Variants in TMEM116 observed in about 807,000 individuals in gnomAD.
TMEM116 encodes transmembrane protein 116.
Under a neutral mutation model 44.3 loss-of-function variants are expected in TMEM116, and 38 were observed. That is an observed-to-expected ratio of 0.86 (90% confidence interval 0.66 to 1.12). TMEM116 has a LOEUF of 1.12. Among genes scored for constraint, TMEM116 ranks in the 50% most tolerant of loss-of-function variants. The probability of loss-of-function intolerance (pLI) is 0.00; values close to 1 mark genes in which losing one functional copy is unlikely to be tolerated. For synonymous variants in TMEM116, 132 were observed against 144.8 expected (o/e 0.91, Z 0.64); for missense variants, 354 against 401.7 (o/e 0.88, Z 1.01).
intron 4 of TMEM116, among the ~76,000 whole-genome samples, chr12:111,971,964 A>C (rs984809025): frequency 6.6e-6 from 1 of 151,254 alleles, no homozygotes; most frequent in African/African-American, 2.4e-5. Flanking sequence ...AGTCCTACCA[A>C]CTTAAGGAAG....
intron 4 of TMEM116, among the ~76,000 whole-genome samples, chr12:111,988,024 T>C (rs556292265): frequency 9.2e-5 from 14 of 152,294 alleles, no homozygotes; most frequent in Non-Finnish European, 2.1e-4. Context: ...TGACACATGC[T>C]ACAACAAGAT....
intron 1 of TMEM116, among the ~76,000 whole-genome samples, chr12:112,009,483 T>G (rs2077737414): frequency 6.6e-6 from 1 of 151,452 alleles, no homozygotes; most frequent in Admixed American, 6.6e-5. Context: ...CCAAAAGATG[T>G]GTTTGCAAAC....
intron 4 of TMEM116, among the ~76,000 whole-genome samples, chr12:111,966,818 T>A (rs1043282521): frequency 2.0e-5 from 3 of 152,222 alleles, no homozygotes; most frequent in Admixed American, 6.5e-5. Flanking sequence ...GTTTCCTACA[T>A]CTAGTCAAAA....
At chr12:112,005,163 TA>T (rs2136731149) in intron 2 of TMEM116, 93 bp downstream of exon 2, 2 of 823,040 alleles carry the variant, frequency 2.4e-6, no homozygotes, top group Non-Finnish European at 3.5e-6. Context: ...AACTAAAGAG[TA>T]AAAGCAAATC....
chr12:112,013,158 A>G lies in TMEM116; in HGVS notation c.-190T>C. The G allele has an allele frequency of 2.8e-6, 1 of 350,998 alleles. No individual in the cohort carries two copies. Among genetic ancestry groups the G allele is most frequent in the Non-Finnish European group, 5.2e-6 (1 of 191,824 alleles). The allele number at this position is 350,998 out of a possible 1,614,324, so 21.7% of individuals were successfully genotyped here. On this transcript the variant is annotated 5_prime_UTR_variant, in exon 1 of 11. Transcript: ENST00000552374. ...GCGCTTCTCCTCAAGCGGAGCAGGA[A>G]CGGAACTGGGCGGACCCGCCGGAAG...
In TMEM116 at chr12:111,978,705, G is replaced by C; in HGVS notation, c.210+13053C>G. 1.5e-5 allele frequency: 6 copies of C among 399,064 alleles called. No homozygotes were observed. The Middle Eastern group carries it at 2.3e-3, about 152-fold the overall frequency. 24.7% of individuals were successfully genotyped at this position (399,064 alleles called of 1,614,324 possible). A position where few individuals can be genotyped will look rare whatever the true frequency, so the allele number is the denominator to read the frequency against. On this transcript the variant is annotated intron_variant, in intron 4 of 10. Transcript: ENST00000552374. ...TATGTTTGGATACAACAAGAAAATA[G>C]CCATCTGCAAACCAGGAAGTGGGCT...
chr12:111,999,733 A>G (rs1232080893), intron 3 of TMEM116, among the ~76,000 whole-genome samples: 1 of 152,210 alleles, frequency 6.6e-6, no homozygotes. Flanking sequence ...AAACAATCCC[A>G]CAAGATGATT....
chr12:111,932,801 C>A (rs1355627230), intron 9 of TMEM116, 142 bp from the exon 10 acceptor site: 2 of 676,492 alleles, frequency 3.0e-6, no homozygotes, highest in African/African-American at 3.6e-5. Context: ...GTTATGCAAA[C>A]CAATGAGTCT....
intron 5 of TMEM116, among the ~76,000 whole-genome samples, chr12:111,940,387 G>C (rs2072626944): frequency 1.4e-5 from 2 of 147,902 alleles, no homozygotes; most frequent in Non-Finnish European, 3.0e-5. Flanking sequence ...TTTTGAGACA[G>C]GGTTTCACTC....
intron 4 of TMEM116, among the ~76,000 whole-genome samples, chr12:111,976,482 C>G (rs1054131838): frequency 2.0e-5 from 3 of 151,994 alleles, no homozygotes; most frequent in Admixed American, 2.0e-4. Flanking sequence ...TTGTCTTAAA[C>G]AAAACAAAGC....
In TMEM116 at chr12:111,936,742, C is replaced by G; in HGVS notation, c.538G>C (p.Gly180Arg). ...AAGCTGCCCAGGAAAATGGCGATAC[C>G]ATAAAAATAAAGTGTGCTACAGACA... is the stretch of plus-strand genomic sequence containing the variant. ...TSVCSTLYFYGIAIFLGSFVL... is the reference protein window; with the variant it reads ...TSVCSTLYFYRIAIFLGSFVL... Residue 180 changes from glycine to arginine, a missense_variant, in exon 8 of 11, where the codon GGT becomes CGT. By Grantham distance (125) the Gly-to-Arg change is moderately radical. Transcript: ENST00000552374. 6 of 1,613,870 alleles carry G rather than the reference C, an allele frequency of 3.7e-6. No homozygotes were observed. The highest frequency in any genetic ancestry group is 5.1e-6 in the Non-Finnish European group (6 of 1,179,938).
chr12:111,945,073 T>TAAAAA (rs1231486290), intron 4 of TMEM116, among the ~76,000 whole-genome samples: 6 of 56,576 alleles, frequency 1.1e-4, no homozygotes, highest in African/African-American at 2.7e-4. Flanking sequence ...AGACTCCATC[T>TAAAAA]AAAAAAAAAA....
Position 111,937,172 on chromosome 12 carries a change from C to A in TMEM116, c.437G>T (p.Ser146Ile). 6.2e-7 allele frequency: 1 copy of A among 1,613,264 alleles called. No homozygotes were observed. The highest frequency in any genetic ancestry group is 8.5e-7 in the Non-Finnish European group (1 of 1,179,298). The change falls in exon 7 of 11, where the codon AGT becomes ATT. Residue 146 changes from serine to isoleucine, a missense_variant. Coordinates refer to ENST00000552374, the MANE Select transcript of TMEM116 (RefSeq NM_001193531.2). Reference protein sequence around the residue: ...GNTSECFQNFSQSHKCILMHS... With the variant: ...GNTSECFQNFIQSHKCILMHS... Reference sequence around the variant, plus strand: ...AGTTCTTACTTACTTGTGGCTCTGACTGAAGTTTTGGAAACATTCACTAGT... The same window carrying A: ...AGTTCTTACTTACTTGTGGCTCTGAATGAAGTTTTGGAAACATTCACTAGT...
At chr12:111,980,228 C>T (rs1182387802) in intron 4 of TMEM116, among the ~76,000 whole-genome samples, 1 of 152,056 alleles carries the variant, frequency 6.6e-6, no homozygotes, top group Non-Finnish European at 1.5e-5. Flanking sequence ...TAAACCCATA[C>T]AACAAATAAA....
intron 9 of TMEM116, among the ~76,000 whole-genome samples, chr12:111,933,599 C>T (rs1293805048): frequency 2.0e-5 from 3 of 151,290 alleles, no homozygotes; most frequent in Non-Finnish European, 2.9e-5. Context: ...CACCATTCTC[C>T]TGCCTCAGCC....
At chr12:111,958,277 T>TAAAAAAAAAAAA (rs61637468) in intron 4 of TMEM116, among the ~76,000 whole-genome samples, 1 of 27,518 alleles carries the variant, frequency 3.6e-5, no homozygotes, top group Non-Finnish European at 9.0e-5. Context: ...CAATAAATAC[T>TAAAAAAAAAAAA]AAAAAAAAAA....
chr12:111,943,361 G>A lies in TMEM116; in HGVS notation c.219C>T (p.Tyr73=), dbSNP rs745351873. ...YNLQAVGQIF[Y]ISSFLYTVNY... is the part of the protein sequence containing the mutation. ...TGACGGTGTAGAGAAATGAGGAAATGTAGAATATCTAGGTTAAAATCAAAA... is the reference window on the plus strand; with the variant it reads ...TGACGGTGTAGAGAAATGAGGAAATATAGAATATCTAGGTTAAAATCAAAA... The change falls in exon 5 of 11, where the codon TAC becomes TAT. Residue 73 remains tyrosine, a synonymous_variant. Coordinates refer to ENST00000552374, the MANE Select transcript of TMEM116 (RefSeq NM_001193531.2). 1.2e-6 allele frequency: 2 copies of A among 1,611,870 alleles called. No homozygotes were observed. The highest frequency in any genetic ancestry group is 1.7e-6 in the Non-Finnish European group (2 of 1,178,050).
chr12:111,932,546 CG>C, intron 10 of TMEM116, 39 bp downstream of exon 10: 1 of 1,521,028 alleles, frequency 6.6e-7, no homozygotes, highest in Non-Finnish European at 9.1e-7. Context: ...ATAGGATAAG[CG>C]GGTGTAAGAA....
intron 1 of TMEM116, chr12:112,005,659 T>TAAGAAGAAAAA (rs2136735812): frequency 1.0e-6 from 1 of 982,712 alleles, no homozygotes; most frequent in East Asian, 1.1e-4. Flanking sequence ...GCCAGGAGTT[T>TAAGAAGAAAAA]AAGAAAAAAG....
Sources: allele counts gnomAD v4.1 joint callset (sites outside exome capture counted in the v4.1 genomes callset), GRCh38; gene constraint gnomAD v4.1.1; transcripts MANE v1.5; gene names NCBI Gene and HGNC (gene_info 2026-07-23, HGNC 2026-07-21).